The following METTL25 variants were observed in gnomAD, a reference collection of about 807,000 sequenced individuals.
The protein encoded by METTL25 is probable methyltransferase-like protein 25.
In METTL25, 64 loss-of-function variants were observed where a neutral mutation model predicts 71.6. The observed-to-expected ratio is 0.89, with a 90% CI of 0.73 to 1.10. The LOEUF (loss-of-function observed/expected upper bound fraction) is 1.10. Among genes scored for constraint, METTL25 ranks in the 50% least tolerant of loss-of-function variants. METTL25 has a pLI of 0.00. For synonymous variants in METTL25, 287 were observed against 250.3 expected, an observed-to-expected ratio of 1.15 and a Z score of -1.38; for missense variants, 807 against 707.0, an observed-to-expected ratio of 1.14 and a Z score of -1.60.
At position 82,358,589 on chromosome 12, in the gene METTL25, G is replaced by C. The variant is rs750277209; in HGVS notation, c.24G>C (p.Pro8=). The change falls in exon 1 of 12, where the codon CCG becomes CCC. Residue 8 remains proline, a synonymous_variant. Coordinates refer to ENST00000248306, the MANE Select transcript of METTL25 (RefSeq NM_032230.3). Reference sequence around the variant, plus strand: ...TCATGGCGGCTTCTTGCCCTCTCCCGGTGACCCCGGACCTGCCCACGCTGC... The same window carrying C: ...TCATGGCGGCTTCTTGCCCTCTCCCCGTGACCCCGGACCTGCCCACGCTGC... The part of the protein sequence containing the change: MAASCPL[P]VTPDLPTLRA... 3 of 1,612,192 alleles carry C rather than the reference G, an allele frequency of 1.9e-6. No homozygotes were observed. The highest frequency in any genetic ancestry group is 2.7e-5 in the African/African-American group (2 of 74,948).
Position 82,381,707 on chromosome 12 carries a change from G to A in METTL25, c.260-5096G>A, listed in dbSNP as rs1337141716. On this transcript the variant is annotated intron_variant, in intron 1 of 11. Coordinates refer to ENST00000248306, the MANE Select transcript of METTL25 (RefSeq NM_032230.3). ...AAGACAGACTTTAGCTTTCGGTTAA[G>A]CTGTATTAAACAATTACCAAAGATT... Among the ~76,000 whole-genome samples the A allele has an allele frequency of 2.6e-5, 4 of 152,200 alleles. No individual in the cohort carries two copies. The East Asian group carries it at 7.7e-4, about 29-fold the overall frequency.
intron 5 of METTL25, among the ~76,000 whole-genome samples, chr12:82,416,620 T>C (rs563941449): frequency 6.6e-6 from 1 of 151,624 alleles, no homozygotes; most frequent in Non-Finnish European, 1.5e-5. Flanking sequence ...TTTGCTTTTT[T>C]GTTTTGTTTT....
intron 1 of METTL25, among the ~76,000 whole-genome samples, chr12:82,370,602 A>G (rs866699865): frequency 6.6e-6 from 1 of 152,154 alleles, no homozygotes; most frequent in Non-Finnish European, 1.5e-5. Context: ...CAAAGAGTCT[A>G]TTTGGGATTG....
intron 1 of METTL25, among the ~76,000 whole-genome samples, chr12:82,365,025 T>G (rs1278810658): frequency 3.9e-5 from 6 of 152,220 alleles, no homozygotes; most frequent in Admixed American, 3.3e-4. Flanking sequence ...AATTGTTTAT[T>G]TTTAATTGGC....
At chr12:82,465,991 G>GTTT (rs71068931) in intron 9 of METTL25, among the ~76,000 whole-genome samples, 57 of 141,174 alleles carry the variant, frequency 4.0e-4, no homozygotes, top group African/African-American at 1.4e-3. Flanking sequence ...CTTCTTGCCT[G>GTTT]TTTTTTTTTT....
intron 9 of METTL25, among the ~76,000 whole-genome samples, chr12:82,467,123 G>A (rs553010373): frequency 6.7e-6 from 1 of 150,342 alleles, no homozygotes; most frequent in South Asian, 2.1e-4. Flanking sequence ...ATATAGTTGG[G>A]TCTTTAAAAA....
chr12:82,364,058 A>G (rs1882280185), intron 1 of METTL25, among the ~76,000 whole-genome samples: 1 of 152,206 alleles, frequency 6.6e-6, no homozygotes, highest in South Asian at 2.1e-4. Flanking sequence ...AATTGTATTA[A>G]TGTTATGTAT....
chr12:82,448,292 A>G (rs1890896959), intron 8 of METTL25, among the ~76,000 whole-genome samples: 1 of 152,112 alleles, frequency 6.6e-6, no homozygotes, highest in South Asian at 2.1e-4. Context: ...ATATAGCCTA[A>G]GGTTAGAAGT....
rs567516161 is a variant in METTL25 at position 82,413,051 on chromosome 12, T to G, written c.1279+9921T>G. On this transcript the variant is annotated intron_variant, in intron 5 of 11. Transcript: ENST00000248306. ...GAAAGATTTAAAAAACAGTTGTATG[T>G]AATTGATTATATTTTAAATTAATTC... 1.4e-4 allele frequency among the ~76,000 whole-genome samples: 22 copies of G among 152,212 alleles called. 1 individual carries two copies. The South Asian group carries it at 3.9e-3, about 27-fold the overall frequency.
chr12:82,398,710 C>A (rs550236036), intron 3 of METTL25, 85 bp from the exon 4 acceptor site: 3 of 838,686 alleles, frequency 3.6e-6, no homozygotes, highest in African/African-American at 1.8e-5. Context: ...TTATATAACT[C>A]ATTTGTTTAC....
At chr12:82,450,370 A>G (rs942417851) in intron 8 of METTL25, among the ~76,000 whole-genome samples, 1 of 152,170 alleles carries the variant, frequency 6.6e-6, no homozygotes, top group South Asian at 2.1e-4. Flanking sequence ...TCTTTCAGCA[A>G]CTTTATAACC....
chr12:82,391,977 G>A (rs895638162), intron 3 of METTL25, among the ~76,000 whole-genome samples: 1 of 151,284 alleles, frequency 6.6e-6, no homozygotes, highest in African/African-American at 2.4e-5. Context: ...TTTCTCTGAT[G>A]CTTAGTGATA....
At chr12:82,388,548 A>G (rs1376595188) in intron 2 of METTL25, among the ~76,000 whole-genome samples, 2 of 152,046 alleles carry the variant, frequency 1.3e-5, no homozygotes, top group African/African-American at 4.8e-5. Context: ...CTCTGCATCA[A>G]GGGTATAAAT....
At chr12:82,438,978 A>G in intron 8 of METTL25, 187 bp downstream of exon 8, 1 of 381,548 alleles carries the variant, frequency 2.6e-6, no homozygotes, top group Non-Finnish European at 4.6e-6. Flanking sequence ...GGGGGCTCTA[A>G]TGATTCCTTC....
intron 1 of METTL25, 122 bp downstream of exon 1, chr12:82,358,946 C>A: frequency 8.5e-7 from 1 of 1,173,566 alleles, no homozygotes; most frequent in Non-Finnish European, 1.2e-6. Flanking sequence ...GGGCGGCCCG[C>A]TGGGAAACCG....
intron 1 of METTL25, among the ~76,000 whole-genome samples, chr12:82,367,741 G>A (rs1339739083): frequency 1.3e-5 from 2 of 152,020 alleles, no homozygotes; most frequent in Admixed American, 1.3e-4. Flanking sequence ...CCCATCAGTA[G>A]TTCTTCATTT....
Position 82,430,897 on chromosome 12 carries a change from T to A in METTL25, c.1284T>A (p.Arg428=). 1.9e-6 allele frequency: 3 copies of A among 1,569,248 alleles called. No homozygotes were observed. Among genetic ancestry groups the A allele is most frequent in the Non-Finnish European group, 2.6e-6 (3 of 1,146,278 alleles). Residue 428 remains arginine, a synonymous_variant, in exon 6 of 12, where the codon CGT becomes CGA. Transcript: ENST00000248306. Reference sequence around the variant, plus strand: ...GTATTTTTCCCCCATCTGCAGAACGTACTCAGGAAAAGTGGGGATTTCCAA... The same window carrying A: ...GTATTTTTCCCCCATCTGCAGAACGAACTCAGGAAAAGTGGGGATTTCCAA... ...SEEFENQHKE[R]TQEKWGFPMC... is the part of the protein sequence containing the mutation.
chr12:82,434,574 TTACA>T (rs1889770872), intron 6 of METTL25, 117 bp from the exon 7 acceptor site: 1 of 784,366 alleles, frequency 1.3e-6, no homozygotes, highest in African/African-American at 1.7e-5. Context: ...GTGCATAAAC[TTACA>T]TATTATCACA....
chr12:82,435,014 T>G (rs1294755476), intron 7 of METTL25, among the ~76,000 whole-genome samples: 2 of 151,476 alleles, frequency 1.3e-5, no homozygotes, highest in Non-Finnish European at 3.0e-5. Flanking sequence ...GACAATTAGG[T>G]TTTTAGGTGC....
Sources: gnomAD v4.1 joint callset for allele counts (sites outside exome capture counted in the v4.1 genomes callset) on GRCh38, gnomAD v4.1.1 for gene constraint, MANE v1.5 for transcripts, NCBI Gene and HGNC (gene_info 2026-07-23, HGNC 2026-07-21) for gene names.